PAK1: variants seen among roughly 807,000 people sequenced by gnomAD.
PAK1 encodes the protein serine/threonine-protein kinase PAK 1.
A neutral mutation model predicts 67.4 loss-of-function variants in PAK1; 29 were observed. That is an observed-to-expected ratio of 0.43 (90% CI 0.32 to 0.59). PAK1 has a LOEUF of 0.59. Ranked by LOEUF, PAK1 falls within the 20% of genes least tolerant of loss-of-function variation. The pLI is 0.07. For missense variants in PAK1, 337 were observed against 670.7 expected, an observed-to-expected ratio of 0.50 and a Z score of 5.50; for synonymous variants, 223 against 237.4, an observed-to-expected ratio of 0.94 and a Z score of 0.56.
At chr11:77,525,182 C>CAA in the PAK1 span, among the ~76,000 whole-genome samples, 130 of 107,108 alleles carry the variant, frequency 1.2e-3, no homozygotes, top group African/African-American at 3.5e-3. Context: ...CCACCCCTAT[C>CAA]AAAAAAAAAA....
intron 1 of PAK1, among the ~76,000 whole-genome samples, chr11:77,398,603 C>T (rs551881082): frequency 6.6e-6 from 1 of 152,306 alleles, no homozygotes; most frequent in South Asian, 2.1e-4. Flanking sequence ...ACTGTGATTG[C>T]TTCCAAATCT....
Position 77,392,346 on chromosome 11 carries a change from A to C in PAK1, c.175T>G (p.Leu59Val). Residue 59 changes from leucine to valine, a missense_variant, in exon 2 of 15, where the codon TTA becomes GTA. Around this residue, in one of 8 missense-constraint regions of PAK1, gnomAD observed 43 missense variants for 141.5 expected, o/e 0.30. Transcript: ENST00000356341. ...KKKDRFYRSI[L>V]PGDKTNKKKE... ...AATACTATACTTTTATCTCCAGGTA[A>C]AATGGATCGGTAAAATCGGTCCTTC... 1 of 1,594,188 alleles carries C rather than the reference A, an allele frequency of 6.3e-7. No homozygotes were observed. Among genetic ancestry groups the C allele is most frequent in the Non-Finnish European group, 8.6e-7 (1 of 1,167,534 alleles).
At chr11:77,524,420 A>T in the PAK1 span, among the ~76,000 whole-genome samples, 11 of 152,302 alleles carry the variant, frequency 7.2e-5, no homozygotes, top group South Asian at 2.1e-4. Context: ...AGCATGCCTC[A>T]TGCCACGTGC....
chr11:77,385,237 A>T (rs1041197465), intron 2 of PAK1, among the ~76,000 whole-genome samples: 2 of 152,246 alleles, frequency 1.3e-5, no homozygotes, highest in Non-Finnish European at 2.9e-5. Flanking sequence ...AAAAAGAAGT[A>T]AAAGGAGAAG....
chr11:77,331,960 A>T (rs1425958989), intron 14 of PAK1, among the ~76,000 whole-genome samples: 1 of 152,016 alleles, frequency 6.6e-6, no homozygotes, highest in Admixed American at 6.6e-5. Flanking sequence ...ACAAGACTCA[A>T]ACAAACTCTG....
chr11:77,408,926 A>G (rs1242382488), intron 1 of PAK1, among the ~76,000 whole-genome samples: 1 of 152,162 alleles, frequency 6.6e-6, no homozygotes, highest in East Asian at 1.9e-4. Context: ...AATCAAAACC[A>G]TAATGTGATA....
intron 10 of PAK1, among the ~76,000 whole-genome samples, chr11:77,343,402 G>A (rs653792): frequency 0.24 from 37,016 of 152,086 alleles, 5,135 homozygotes; most frequent in Non-Finnish European, 0.31. Flanking sequence ...CTCCATAGTG[G>A]TCAGATCTCA....
At chr11:77,329,408 A>G (rs1354338879) in intron 14 of PAK1, 1 of 152,276 alleles carries the variant, frequency 6.6e-6, no homozygotes, top group African/African-American at 2.4e-5. Flanking sequence ...AACCGAATCC[A>G]GCAGCACATC....
At chr11:77,348,928 A>C (rs2136369672) in intron 9 of PAK1, among the ~76,000 whole-genome samples, 1 of 152,230 alleles carries the variant, frequency 6.6e-6, no homozygotes, top group African/African-American at 2.4e-5. Flanking sequence ...GTTCGAGAGC[A>C]GCCTGGCTAA....
At chr11:77,467,251 C>A (rs1476035315) in intron 1 of PAK1, among the ~76,000 whole-genome samples, 3 of 152,150 alleles carry the variant, frequency 2.0e-5, no homozygotes, top group Non-Finnish European at 4.4e-5. Flanking sequence ...GCCAGGCCAC[C>A]CCCATTTCAA....
At chr11:77,331,136 C>T (rs1456674084) in intron 14 of PAK1, among the ~76,000 whole-genome samples, 4 of 152,316 alleles carry the variant, frequency 2.6e-5, no homozygotes, top group Middle Eastern at 3.4e-3. Flanking sequence ...CAGGAAACAA[C>T]ACGTGCTGGA....
At chr11:77,411,633 C>A (rs1202013115) in intron 1 of PAK1, 3 of 152,252 alleles carry the variant, frequency 2.0e-5, no homozygotes, top group Admixed American at 2.0e-4. Flanking sequence ...CCCTTTCTCT[C>A]ATTTAGGGTC....
At chr11:77,529,409 C>T in the PAK1 span, among the ~76,000 whole-genome samples, 2 of 152,232 alleles carry the variant, frequency 1.3e-5, no homozygotes, top group Non-Finnish European at 2.9e-5. Flanking sequence ...ATATATGCCT[C>T]AGTAAGCCAC....
intron 1 of PAK1, among the ~76,000 whole-genome samples, chr11:77,423,734 A>T (rs1364932056): frequency 3.9e-5 from 6 of 152,158 alleles, no homozygotes; most frequent in Non-Finnish European, 7.3e-5. Flanking sequence ...AGGCCCTATC[A>T]CCTCTGTCTC....
chr11:77,492,249 C>T, the PAK1 span, among the ~76,000 whole-genome samples: 3 of 151,846 alleles, frequency 2.0e-5, no homozygotes, highest in East Asian at 1.9e-4. Flanking sequence ...GCAGGAGAAT[C>T]GCCTGAACCC....
At chr11:77,323,493 G>T in intron 14 of PAK1, 133 bp from the exon 15 acceptor site, 1 of 680,226 alleles carries the variant, frequency 1.5e-6, no homozygotes. Context: ...CCAAATTGAA[G>T]GACATCTTAA....
At chr11:77,404,887 TTG>T (rs2137816467) in intron 1 of PAK1, among the ~76,000 whole-genome samples, 1 of 152,312 alleles carries the variant, frequency 6.6e-6, no homozygotes, top group East Asian at 1.9e-4. Context: ...GAGAAAGGCC[TTG>T]TGCTCATAGA....
intron 1 of PAK1, among the ~76,000 whole-genome samples, chr11:77,451,372 C>A (rs1289069125): frequency 6.6e-6 from 1 of 152,106 alleles, no homozygotes; most frequent in Non-Finnish European, 1.5e-5. Flanking sequence ...CTGAACAAAC[C>A]AGCCTTGCTA....
intron 1 of PAK1, among the ~76,000 whole-genome samples, chr11:77,439,408 C>T (rs1463064514): frequency 6.6e-6 from 1 of 152,022 alleles, no homozygotes; most frequent in Admixed American, 6.5e-5. Context: ...CAAGAAAATG[C>T]CTGCTTCTAG....
Sources: allele counts gnomAD v4.1 joint callset (sites outside exome capture counted in the v4.1 genomes callset), GRCh38; gene constraint gnomAD v4.1.1; regional missense constraint gnomAD v4.1.1; transcripts MANE v1.5; gene names NCBI Gene and HGNC (gene_info 2026-07-23, HGNC 2026-07-21).